SHROOM4: variants seen among roughly 807,000 people sequenced by gnomAD.
SHROOM4 encodes shroom family member 4.
Under a neutral mutation model 80.3 loss-of-function variants are expected in SHROOM4, and 17 were observed. That is an observed-to-expected ratio of 0.21 (90% CI 0.14 to 0.32). The LOEUF is 0.32. SHROOM4 is among the 10% of genes least tolerant of loss of function. The probability of loss-of-function intolerance (pLI) is 1.00; values close to 1 mark genes in which losing one functional copy is unlikely to be tolerated. For missense variants in SHROOM4, 993 were observed against 1,140.3 expected, an observed-to-expected ratio of 0.87 and a Z score of 1.86; for synonymous variants, 400 against 437.5, an observed-to-expected ratio of 0.91 and a Z score of 1.07.
At chrX:50,693,597 T>A (rs1190629048) in intron 2 of SHROOM4, among the ~76,000 whole-genome samples, 2 of 107,778 alleles carry the variant, frequency 1.9e-5, no homozygotes, top group Non-Finnish European at 3.8e-5. Context: ...TTTTTTTTTT[T>A]TTATTAACAC....
chrX:50,632,917 A>C (rs1359117989), intron 4 of SHROOM4, among the ~76,000 whole-genome samples: 1 of 111,594 alleles, frequency 9.0e-6, no homozygotes, highest in Non-Finnish European at 1.9e-5. Context: ...GGTCACTCAG[A>C]TATCAATTTT....
At chrX:50,625,697 A>T in intron 5 of SHROOM4, among the ~76,000 whole-genome samples, 1 of 111,491 alleles carries the variant, frequency 9.0e-6, no homozygotes, top group South Asian at 3.9e-4. Context: ...TGGCCAGATC[A>T]CTTCTCCTAA....
chrX:50,666,851 C>T (rs1162643096), intron 2 of SHROOM4, among the ~76,000 whole-genome samples: 3 of 109,284 alleles, frequency 2.7e-5, no homozygotes, highest in Non-Finnish European at 5.7e-5. Flanking sequence ...CTCTTTCCCC[C>T]AGAGGAAAAA....
chrX:50,704,626 T>C (rs1352743129), intron 1 of SHROOM4, among the ~76,000 whole-genome samples: 1 of 111,839 alleles, frequency 8.9e-6, no homozygotes, highest in Non-Finnish European at 1.9e-5. Context: ...ACATTAGTCA[T>C]TTCTGACTGG....
At chrX:50,691,818 G>A (rs1485534834) in intron 2 of SHROOM4, among the ~76,000 whole-genome samples, 3 of 111,707 alleles carry the variant, frequency 2.7e-5, no homozygotes, top group African/African-American at 9.8e-5. Context: ...CTTCTTTTAC[G>A]TGTTAAGAGC....
intron 1 of SHROOM4, among the ~76,000 whole-genome samples, chrX:50,772,088 A>C (rs376324299): frequency 9.0e-6 from 1 of 110,742 alleles, no homozygotes; most frequent in Admixed American, 9.7e-5. Context: ...CTAAATATCA[A>C]TGCCTGTTAC....
At chrX:50,638,542 C>T (rs952318828) in intron 2 of SHROOM4, among the ~76,000 whole-genome samples, 11 of 112,250 alleles carry the variant, frequency 9.8e-5, no homozygotes, top group African/African-American at 2.9e-4. Flanking sequence ...ATCCTGAGCA[C>T]GTATCACAGT....
Position 50,771,226 on chromosome X carries a change from G to A in SHROOM4, c.117+42676C>T, listed in dbSNP as rs1030751443. ...CCTTCACACACAAAGAAAGTAGCCA[G>A]GCCTTCAGTCTTGGTTCTCTAGAGC... On this transcript the variant is annotated intron_variant, in intron 1 of 8. Transcript: ENST00000376020. 7.2e-5 allele frequency among the ~76,000 whole-genome samples: 8 copies of A among 111,675 alleles called. 1 individual carries two copies. The highest frequency in any genetic ancestry group is 5.7e-4 in the Admixed American group (6 of 10,513).
At chrX:50,695,734 A>G in intron 2 of SHROOM4, 52 bp downstream of exon 2, 1 of 1,181,693 alleles carries the variant, frequency 8.5e-7, no homozygotes, top group Non-Finnish European at 1.2e-6. Flanking sequence ...CTTTATTACC[A>G]ACCAAGTTTC....
intron 2 of SHROOM4, among the ~76,000 whole-genome samples, chrX:50,650,080 TAATG>T (rs1931982263): frequency 8.9e-6 from 1 of 112,195 alleles, no homozygotes; most frequent in Non-Finnish European, 1.9e-5. Flanking sequence ...GAAGACTACT[TAATG>T]ATCCTGAAAA....
chrX:50,615,011 G>C (rs897542553), intron 5 of SHROOM4, among the ~76,000 whole-genome samples: 2 of 111,150 alleles, frequency 1.8e-5, no homozygotes, highest in Admixed American at 1.9e-4. Context: ...ATGCACACAC[G>C]TTACTTTTCT....
intron 1 of SHROOM4, among the ~76,000 whole-genome samples, chrX:50,781,296 T>C (rs187662829): frequency 9.9e-5 from 11 of 111,534 alleles, no homozygotes; most frequent in African/African-American, 3.6e-4. Context: ...CCCAGTCAAG[T>C]TGACACAAAA....
rs1406350665 is a variant in SHROOM4, at chrX:50,592,797, G to A, written c.*3898C>T. On this transcript the variant is annotated 3_prime_UTR_variant, in exon 9 of 9. Coordinates refer to ENST00000376020, the MANE Select transcript of SHROOM4 (RefSeq NM_020717.5). The stretch of plus-strand genomic sequence containing the variant: ...AGTCTAGAAAGAATGGCTTACCTTC[G>A]ATCAGGCTAGACTCCAGAACTAGAC... 2 of 116,464 alleles carry A rather than the reference G, an allele frequency of 1.7e-5. No individual in the cohort carries two copies. Among genetic ancestry groups the A allele is most frequent in the Non-Finnish European group, 3.6e-5 (2 of 55,966 alleles). The allele number at this position is 116,464 out of a possible 1,213,427, so 9.6% of individuals were successfully genotyped here.
chrX:50,742,923 G>T (rs1934695506), intron 1 of SHROOM4, among the ~76,000 whole-genome samples: 1 of 112,125 alleles, frequency 8.9e-6, no homozygotes, highest in East Asian at 2.8e-4. Flanking sequence ...TGCATAAAAT[G>T]TTTGTATGGT....
chrX:50,608,458 T>A (rs1190420220), intron 5 of SHROOM4, among the ~76,000 whole-genome samples: 1 of 111,623 alleles, frequency 9.0e-6, no homozygotes, highest in Non-Finnish European at 1.9e-5. Context: ...TGCACTGATT[T>A]TACAGTTGGG....
the SHROOM4 span, among the ~76,000 whole-genome samples, chrX:50,577,351 C>T: frequency 9.8e-5 from 11 of 112,736 alleles, no homozygotes; most frequent in African/African-American, 3.2e-4. Context: ...CTGTTATTCA[C>T]ATATGAGAGG....
chrX:50,731,994 G>C (rs1272447774), intron 1 of SHROOM4, among the ~76,000 whole-genome samples: 1 of 111,531 alleles, frequency 9.0e-6, no homozygotes, highest in Non-Finnish European at 1.9e-5. Context: ...GCCTTCCTGT[G>C]GTCCGAAAAA....
chrX:50,666,775 C>A (rs1229384248), intron 2 of SHROOM4, among the ~76,000 whole-genome samples: 1 of 111,087 alleles, frequency 9.0e-6, no homozygotes, highest in African/African-American at 3.3e-5. Context: ...GGTAAGTAAC[C>A]TTCAATGTGT....
rs1303309901 is a variant in SHROOM4 at position 50,588,573 on chromosome X, C to T, written c.*8122G>A. ...CCTACGTGGTGTGGGTTCCAGTGTC[C>T]AGGCTTGGAACTGCCTCTGTAAGAG... On this transcript the variant is annotated 3_prime_UTR_variant, in exon 9 of 9. Coordinates refer to ENST00000376020, the MANE Select transcript of SHROOM4 (RefSeq NM_020717.5). 2.7e-5 allele frequency among the ~76,000 whole-genome samples: 3 copies of T among 111,636 alleles called. No homozygotes were observed. The highest frequency in any genetic ancestry group is 5.6e-5 in the Non-Finnish European group (3 of 53,129).
Sources: gnomAD v4.1 joint callset for allele counts (sites outside exome capture counted in the v4.1 genomes callset) on GRCh38, gnomAD v4.1.1 for gene constraint, MANE v1.5 for transcripts, NCBI Gene and HGNC (gene_info 2026-07-23, HGNC 2026-07-21) for gene names.